Variants in DMD observed in about 807,000 individuals in gnomAD.
DMD encodes dystrophin, also known as mutant dystrophin.
DMD carries 63 observed loss-of-function variants against 330.1 expected under a neutral mutation model. The ratio of observed to expected loss-of-function variants is 0.19; its 90% CI spans 0.16 to 0.24. DMD has a LOEUF of 0.24. Ranked by LOEUF, DMD falls within the 10% of genes least tolerant of loss-of-function variation. DMD has a pLI of 1.00. For synonymous variants in DMD, 1,223 were observed against 959.8 expected (o/e 1.27, Z -5.07); for missense variants, 3,344 against 2,684.1 (o/e 1.25, Z -5.43).
chrX:32,421,820 A>G (rs1357211196), intron 29 of DMD, among the ~76,000 whole-genome samples: 2 of 111,689 alleles, frequency 1.8e-5, no homozygotes, highest in Non-Finnish European at 3.8e-5. Context: ...CATACCTCAG[A>G]TATAGCTGAA....
intron 1 of DMD, among the ~76,000 whole-genome samples, chrX:33,305,117 C>T (rs1450739736): frequency 1.8e-5 from 2 of 109,075 alleles, no homozygotes; most frequent in African/African-American, 6.7e-5. Context: ...CACATGCACA[C>T]GTATGTTCAT....
intron 55 of DMD, among the ~76,000 whole-genome samples, chrX:31,588,826 C>T (rs1441480788): frequency 3.8e-5 from 4 of 106,118 alleles, no homozygotes; most frequent in African/African-American, 1.4e-4. Context: ...AGAAACTTTA[C>T]TTTTTCCTTT....
At chrX:31,526,705 T>C (rs1263453813) in intron 55 of DMD, among the ~76,000 whole-genome samples, 1 of 112,136 alleles carries the variant, frequency 8.9e-6, no homozygotes, top group Non-Finnish European at 1.9e-5. Flanking sequence ...GTGCCCATAT[T>C]TTCTACTCCC....
chrX:32,640,200 T>G (rs998994860), intron 11 of DMD, among the ~76,000 whole-genome samples: 5 of 109,396 alleles, frequency 4.6e-5, no homozygotes, highest in African/African-American at 9.9e-5. Context: ...GCTCATCATC[T>G]TATTTATCAC....
chrX:33,070,118 T>C (rs926750145), intron 1 of DMD, among the ~76,000 whole-genome samples: 1 of 111,874 alleles, frequency 8.9e-6, no homozygotes, highest in African/African-American at 3.2e-5. Context: ...GCAGATTGCC[T>C]AGAAAGAAAA....
At chrX:31,651,540 C>T (rs1569177084) in intron 54 of DMD, among the ~76,000 whole-genome samples, 1 of 111,551 alleles carries the variant, frequency 9.0e-6, no homozygotes, top group African/African-American at 3.3e-5. Context: ...CAGCTATCTA[C>T]TCCACACATC....
At chrX:31,697,669 T>C (rs985313122) in intron 52 of DMD, among the ~76,000 whole-genome samples, 5 of 112,488 alleles carry the variant, frequency 4.4e-5, no homozygotes, top group African/African-American at 1.6e-4. Context: ...TTGACTGATA[T>C]AAATTCCCAC....
Position 32,839,333 on chromosome X carries a change from C to T in DMD, c.264+5450G>A, listed in dbSNP as rs756542486. The stretch of plus-strand genomic sequence containing the variant: ...CTCACTCCCTTTCTCCAGGTCTCTG[C>T]TCATATAGGAACTGAACCAAAAGGT... On this transcript the variant is annotated intron_variant, in intron 4 of 78. Coordinates refer to ENST00000357033, the MANE Select transcript of DMD (RefSeq NM_004006.3). Among the ~76,000 whole-genome samples the T allele has an allele frequency of 2.7e-5, 3 of 111,791 alleles. No individual in the cohort carries two copies. The East Asian group carries it at 8.5e-4, about 32-fold the overall frequency.
At chrX:31,174,825 T>C (rs995571822) in intron 71 of DMD, among the ~76,000 whole-genome samples, 1 of 111,989 alleles carries the variant, frequency 8.9e-6, no homozygotes, top group African/African-American at 3.2e-5. Flanking sequence ...CGACACACTA[T>C]AGCAAATAAC....
intron 63 of DMD, among the ~76,000 whole-genome samples, chrX:31,242,880 T>C (rs1463132871): frequency 9.0e-6 from 1 of 111,364 alleles, no homozygotes; most frequent in Non-Finnish European, 1.9e-5. Context: ...GGTTGTCATT[T>C]GGGTTCTACA....
At chrX:31,737,596 C>T (rs1409567318) in intron 51 of DMD, among the ~76,000 whole-genome samples, 2 of 112,281 alleles carry the variant, frequency 1.8e-5, no homozygotes, top group Non-Finnish European at 3.8e-5. Flanking sequence ...TGCCTCCCAA[C>T]ACAAGGACCA....
chrX:33,093,207 C>A (rs982582004), intron 1 of DMD, among the ~76,000 whole-genome samples: 1 of 112,073 alleles, frequency 8.9e-6, no homozygotes, highest in Non-Finnish European at 1.9e-5. Context: ...GTTACCCTGG[C>A]CTTTCTGTTC....
At chrX:31,614,832 ATG>A (rs2078111544) in intron 55 of DMD, among the ~76,000 whole-genome samples, 1 of 112,255 alleles carries the variant, frequency 8.9e-6, no homozygotes, top group South Asian at 3.7e-4. Flanking sequence ...AAAGGACCTC[ATG>A]TGGAATGAAA....
At chrX:32,342,335 C>T (rs190701564) in intron 40 of DMD, 53 bp from the exon 41 acceptor site, 80 of 1,155,477 alleles carry the variant, frequency 6.9e-5, no homozygotes, top group Admixed American at 6.7e-4. Flanking sequence ...CCACATCAAC[C>T]GACTTGCAAG....
intron 7 of DMD, among the ~76,000 whole-genome samples, chrX:32,730,030 C>T (rs183095305): frequency 1.3e-3 from 145 of 111,740 alleles, no homozygotes; most frequent in Admixed American, 2.3e-3. Context: ...GTTCAGATCC[C>T]CACTGTTAAA....
chrX:32,632,845 G>A (rs2058833305), intron 11 of DMD, among the ~76,000 whole-genome samples: 2 of 112,517 alleles, frequency 1.8e-5, no homozygotes, highest in Non-Finnish European at 1.9e-5. Context: ...GATCTATAAT[G>A]GGAGGGGCTG....
intron 19 of DMD, among the ~76,000 whole-genome samples, chrX:32,494,003 T>G (rs1197954072): frequency 8.9e-6 from 1 of 111,883 alleles, no homozygotes; most frequent in Non-Finnish European, 1.9e-5. Context: ...GAGAAATCAC[T>G]TTGTGTCCCT....
intron 43 of DMD, among the ~76,000 whole-genome samples, chrX:32,222,264 G>C (rs1015055478): frequency 1.8e-5 from 2 of 111,413 alleles, no homozygotes; most frequent in Admixed American, 1.9e-4. Context: ...AAACCTCTGG[G>C]ATACAGCAAA....
At chrX:32,208,181 C>T (rs916221043) in intron 44 of DMD, among the ~76,000 whole-genome samples, 2 of 111,788 alleles carry the variant, frequency 1.8e-5, no homozygotes, top group African/African-American at 6.5e-5. Flanking sequence ...GTAATGCAAA[C>T]GTGGGTACAA....
Sources: allele counts gnomAD v4.1 joint callset (sites outside exome capture counted in the v4.1 genomes callset), GRCh38; gene constraint gnomAD v4.1.1; transcripts MANE v1.5; gene names NCBI Gene and HGNC (gene_info 2026-07-23, HGNC 2026-07-21).